The following SAP30 variants were observed in gnomAD, a reference collection of about 807,000 sequenced individuals.
SAP30 encodes Sin3A associated protein 30, also known as histone deacetylase complex subunit SAP30.
In SAP30, 13 loss-of-function variants were observed where a neutral mutation model predicts 19.6. The ratio of observed to expected loss-of-function variants is 0.66; its 90% CI spans 0.43 to 1.05. The LOEUF (loss-of-function observed/expected upper bound fraction) is 1.05. Ranked by LOEUF, SAP30 falls within the 50% of genes least tolerant of loss-of-function variation. The probability of loss-of-function intolerance (pLI) is 0.00; values close to 1 mark genes in which losing one functional copy is unlikely to be tolerated. For synonymous variants in SAP30, 108 were observed against 122.7 expected (o/e 0.88, Z 0.79); for missense variants, 257 against 292.1 (o/e 0.88, Z 0.88).
chr4:173,373,906 A>G (rs780152510), intron 2 of SAP30, 33 bp from the exon 3 acceptor site: 2 of 1,047,632 alleles, frequency 1.9e-6, no homozygotes, highest in Admixed American at 2.4e-5. Flanking sequence ...AACAAATTGT[A>G]TGAACTCATT....
In SAP30 at chr4:173,373,947, A is replaced by G. The variant is rs370724880; in HGVS notation, c.450A>G (p.Leu150=). The change falls in exon 3 of 4, where the codon TTA becomes TTG. Residue 150 remains leucine, a synonymous_variant. Coordinates refer to ENST00000296504, the MANE Select transcript of SAP30 (RefSeq NM_003864.4). ...ATGTTAATTTTTTCTAGGTTGATTTATACCAATTACAAGTAAATACACTTA... is the reference window on the plus strand; with the variant it reads ...ATGTTAATTTTTTCTAGGTTGATTTGTACCAATTACAAGTAAATACACTTA... The part of the protein sequence containing the change: ...VQDIDTPEVD[L]YQLQVNTLRR... The G allele has an allele frequency of 1.7e-5, 27 of 1,546,670 alleles. No individual in the cohort carries two copies. In the African/African-American group the frequency reaches 3.3e-4, roughly 19 times the overall value.
intron 3 of SAP30, 45 bp from the exon 4 acceptor site, chr4:173,377,160 G>A: frequency 6.9e-7 from 1 of 1,450,544 alleles, no homozygotes. Context: ...TATGAAACCT[G>A]TTATATCTAA....
chr4:173,371,302 CG>C lies in SAP30; in HGVS notation c.124del (p.Ala42LeufsTer57). On this transcript the variant is annotated frameshift_variant, in exon 1 of 4. Coordinates refer to ENST00000296504, the MANE Select transcript of SAP30 (RefSeq NM_003864.4). LOFTEE classifies it high-confidence loss of function. The surrounding 1 kb of genome is among the most constrained non-coding windows in gnomAD (Gnocchi z 6.4). ...SAGNGTGAGT[G>X]AEVPGAGAVS... ...CGGGGAACGGGACCGGCGCGGGCAC[CG>C]GGGCTGAGGTGCCGGGCGCGGGGGC... 1 of 1,242,372 alleles carries C rather than the reference CG, an allele frequency of 8.0e-7. No homozygotes were observed. Among genetic ancestry groups the C allele is most frequent in the Non-Finnish European group, 1.0e-6 (1 of 998,862 alleles). 77.0% of individuals were successfully genotyped at this position (1,242,372 alleles called of 1,614,324 possible).
At chr4:173,375,333 T>C (rs867939565) in intron 3 of SAP30, among the ~76,000 whole-genome samples, 16 of 152,298 alleles carry the variant, frequency 1.1e-4, no homozygotes, top group Middle Eastern at 3.4e-3. Context: ...AAATCTAATA[T>C]ATTAACTATT....
chr4:173,371,336 G>T lies in SAP30; in HGVS notation c.154G>T (p.Ala52Ser). Residue 52 changes from alanine (A) to serine (S), a missense_variant, in exon 1 of 4, where the codon GCG becomes TCG. By Grantham distance (99) the Ala-to-Ser change is moderately conservative (BLOSUM62 1). Transcript: ENST00000296504. The surrounding 1 kb of genome is among the most constrained non-coding windows in gnomAD (Gnocchi z 6.4). ...AEVPGAGAVS[A>S]AGPPGAAGPG... ...GGTGCCGGGCGCGGGGGCGGTCTCA[G>T]CGGCTGGGCCCCCGGGGGCGGCCGG... is the stretch of plus-strand genomic sequence containing the variant. The T allele has an allele frequency of 2.2e-6, 3 of 1,391,792 alleles. No individual in the cohort carries two copies. Among genetic ancestry groups the T allele is most frequent in the Non-Finnish European group, 2.8e-6 (3 of 1,080,004 alleles). 86.2% of individuals were successfully genotyped at this position (1,391,792 alleles called of 1,614,324 possible).
intron 1 of SAP30, among the ~76,000 whole-genome samples, chr4:173,372,317 C>T (rs1194033636): frequency 6.6e-6 from 1 of 152,188 alleles, no homozygotes; most frequent in Non-Finnish European, 1.5e-5. Context: ...AATGTAAAAG[C>T]CTGTTAGCTC....
At position 173,371,243 on chromosome 4, in the gene SAP30, G is replaced by C; in HGVS notation, c.61G>C (p.Ala21Pro). 1 of 1,393,894 alleles carries C rather than the reference G, an allele frequency of 7.2e-7. No individual in the cohort carries two copies. The highest frequency in any genetic ancestry group is 3.1e-5 in the East Asian group (1 of 31,926). The allele number at this position is 1,393,894 out of a possible 1,614,324, so 86.3% of individuals were successfully genotyped here. A position where few individuals can be genotyped will look rare whatever the true frequency, so the allele number is the denominator to read the frequency against. ...CGGGGATGCGGCCGCCGCAGTGGCCGCAGTGGTCGCTGCCGCGGCCGCCGC... is the reference window on the plus strand; with the variant it reads ...CGGGGATGCGGCCGCCGCAGTGGCCCCAGTGGTCGCTGCCGCGGCCGCCGC... The part of the protein sequence containing the change: ...RGGDAAAAVA[A>P]VVAAAAAAAS... The change falls in exon 1 of 4, where the codon GCA (alanine) becomes CCA (proline). Residue 21 changes from alanine to proline, a missense_variant. Coordinates refer to ENST00000296504, the MANE Select transcript of SAP30 (RefSeq NM_003864.4). This position sits in a 1 kb window ranked among gnomAD's most constrained non-coding sequence, Gnocchi z 6.4.
rs1738919842 is a variant in SAP30 at position 173,371,168 on chromosome 4, C to T, written c.-15C>T. ...AGGGGATTTCTGTCAGCGCCGGCCT[C>T]GGGAGCTCGGAGACATGAACGGCTT... On this transcript the variant is annotated 5_prime_UTR_variant, in exon 1 of 4. Transcript: ENST00000296504. The surrounding 1 kb of genome is among the most constrained non-coding windows in gnomAD (Gnocchi z 6.4). 1 of 1,443,942 alleles carries T rather than the reference C, an allele frequency of 6.9e-7. No homozygotes were observed. The allele number at this position is 1,443,942 out of a possible 1,614,324, so 89.4% of individuals were successfully genotyped here.
At chr4:173,372,050 G>A (rs896843065) in intron 1 of SAP30, among the ~76,000 whole-genome samples, 3 of 152,246 alleles carry the variant, frequency 2.0e-5, no homozygotes, top group African/African-American at 7.2e-5. Context: ...AGTGAGCCGG[G>A]GTTGTAAACG....
At chr4:173,376,012 A>C (rs753638415) in intron 3 of SAP30, among the ~76,000 whole-genome samples, 3 of 152,046 alleles carry the variant, frequency 2.0e-5, no homozygotes. Context: ...ACCAAAACCA[A>C]CTCCGCCACC....
At chr4:173,375,191 A>G (rs1739014516) in intron 3 of SAP30, among the ~76,000 whole-genome samples, 1 of 151,984 alleles carries the variant, frequency 6.6e-6, no homozygotes, top group South Asian at 2.1e-4. Flanking sequence ...GTGTAGAAAT[A>G]TAAATCAGTT....
intron 2 of SAP30, among the ~76,000 whole-genome samples, 200 bp from the exon 3 acceptor site, chr4:173,373,739 T>G (rs1034121303): frequency 6.6e-6 from 1 of 152,220 alleles, no homozygotes; most frequent in Non-Finnish European, 1.5e-5. Context: ...ACTCTTTTTT[T>G]GACCTCAGTT....
chr4:173,374,675 T>A (rs771999432), intron 3 of SAP30, among the ~76,000 whole-genome samples: 14 of 152,182 alleles, frequency 9.2e-5, no homozygotes, highest in Non-Finnish European at 1.8e-4. Flanking sequence ...AGCACCTAAT[T>A]GAGGCATAAT....
At chr4:173,377,156 A>G (rs1370859328) in intron 3 of SAP30, 49 bp from the exon 4 acceptor site, 1 of 1,415,138 alleles carries the variant, frequency 7.1e-7, no homozygotes, top group Admixed American at 2.4e-5. Context: ...AGTTTATGAA[A>G]CCTGTTATAT....
rs1422979998 is a variant in SAP30, at chr4:173,377,365, A to G, written c.*38A>G. The G allele has an allele frequency of 6.4e-7, 1 of 1,555,718 alleles. No homozygotes were observed. Among genetic ancestry groups the G allele is most frequent in the African/African-American group, 1.4e-5 (1 of 71,462 alleles). On this transcript the variant is annotated 3_prime_UTR_variant, in exon 4 of 4. Transcript: ENST00000296504. Reference sequence around the variant, plus strand: ...TGAGACTAATAACTTGGATGTTAACACTGTTTACTGTTTTTTCACATGTAG... The same window carrying G: ...TGAGACTAATAACTTGGATGTTAACGCTGTTTACTGTTTTTTCACATGTAG...
Position 173,371,154 on chromosome 4 carries a change from G to A in SAP30, c.-29G>A. 1 of 1,467,344 alleles carries A rather than the reference G, an allele frequency of 6.8e-7. No homozygotes were observed. Among genetic ancestry groups the A allele is most frequent in the African/African-American group, 1.5e-5 (1 of 67,378 alleles). The allele number at this position is 1,467,344 out of a possible 1,614,324, so 90.9% of individuals were successfully genotyped here. On this transcript the variant is annotated 5_prime_UTR_variant, in exon 1 of 4. Coordinates refer to ENST00000296504, the MANE Select transcript of SAP30 (RefSeq NM_003864.4). The surrounding 1 kb of genome is among the most constrained non-coding windows in gnomAD (Gnocchi z 6.4). ...AGCGGCCAGGAGAGAGGGGATTTCT[G>A]TCAGCGCCGGCCTCGGGAGCTCGGA...
intron 3 of SAP30, among the ~76,000 whole-genome samples, chr4:173,374,712 C>G (rs893022951): frequency 5.3e-5 from 8 of 152,158 alleles, no homozygotes; most frequent in African/African-American, 1.9e-4. Flanking sequence ...CTTTAATGTC[C>G]TTATTAGAAT....
Position 173,371,432 on chromosome 4 carries a change from A to G in SAP30, c.250A>G (p.Ser84Gly). 2.5e-6 allele frequency: 4 copies of G among 1,591,036 alleles called. No homozygotes were observed. The highest frequency in any genetic ancestry group is 3.4e-6 in the Non-Finnish European group (4 of 1,175,570). The change falls in exon 1 of 4, where the codon AGC becomes GGC. Residue 84 changes from serine (S) to glycine (G), a missense_variant. Coordinates refer to ENST00000296504, the MANE Select transcript of SAP30 (RefSeq NM_003864.4). This position sits in a 1 kb window ranked among gnomAD's most constrained non-coding sequence, Gnocchi z 6.4. ...ERCGRAAGNASFSKRIQKSIS... is the reference protein window; with the variant it reads ...ERCGRAAGNAGFSKRIQKSIS... ...GTGCGGCCGGGCGGCAGGCAACGCCAGCTTCAGCAAGAGGATCCAGAAGAG... is the reference window on the plus strand; with the variant it reads ...GTGCGGCCGGGCGGCAGGCAACGCCGGCTTCAGCAAGAGGATCCAGAAGAG...
In SAP30 at chr4:173,374,016, T is replaced by C. The variant is rs750173294; in HGVS notation, c.519T>C (p.Leu173=). The C allele has an allele frequency of 2.5e-6, 4 of 1,592,480 alleles. 1 individual carries two copies. Among genetic ancestry groups the C allele is most frequent in the Non-Finnish European group, 1.7e-6 (2 of 1,165,812 alleles). ...TCAAGCTACCAACCAGACCAGGACT[T>C]AATAAAGCACAACTTGTTGAGGTAT... The part of the protein sequence containing the change: ...RHFKLPTRPG[L]NKAQLVEIVG... The change falls in exon 3 of 4, where the codon CTT becomes CTC. Residue 173 remains leucine, a synonymous_variant. Transcript: ENST00000296504.
Sources: allele counts gnomAD v4.1 joint callset (sites outside exome capture counted in the v4.1 genomes callset), GRCh38; gene constraint gnomAD v4.1.1; non-coding constraint Gnocchi (gnomAD v3.1); transcripts MANE v1.5; gene names NCBI Gene and HGNC (gene_info 2026-07-23, HGNC 2026-07-21).